The following GPR39 variants were observed in gnomAD, a reference collection of about 807,000 sequenced individuals.
The protein encoded by GPR39 is zinc sensing receptor.
A neutral mutation model predicts 18.4 loss-of-function variants in GPR39; 23 were observed. That is an observed-to-expected ratio of 1.25 (90% confidence interval 0.90 to 1.77). The LOEUF is 1.77. Among genes scored for constraint, GPR39 ranks in the 40% most tolerant of loss-of-function variants. The probability of loss-of-function intolerance (pLI) is 0.00; values close to 1 mark genes in which losing one functional copy is unlikely to be tolerated. For missense variants in GPR39, 647 were observed against 602.4 expected (o/e 1.07, Z -0.78); for synonymous variants, 280 against 257.9 (o/e 1.09, Z -0.82).
At chr2:132,424,604 G>C (rs2104754715) in intron 1 of GPR39, among the ~76,000 whole-genome samples, 1 of 152,284 alleles carries the variant, frequency 6.6e-6, no homozygotes, top group South Asian at 2.1e-4. Context: ...CAGCCTAGTG[G>C]ACTGGATCAG....
At chr2:132,432,444 C>T (rs1680240470) in intron 1 of GPR39, among the ~76,000 whole-genome samples, 1 of 152,200 alleles carries the variant, frequency 6.6e-6, no homozygotes, top group Admixed American at 6.5e-5. Context: ...CACAAAAATT[C>T]AGACCATAGC....
At chr2:132,619,627 C>T (rs1681398615) in intron 1 of GPR39, among the ~76,000 whole-genome samples, 1 of 152,240 alleles carries the variant, frequency 6.6e-6, no homozygotes, top group African/African-American at 2.4e-5. Flanking sequence ...AAGTCTCTGT[C>T]CCCTGGAACC....
chr2:132,646,364 G>C lies in GPR39; in HGVS notation c.*758G>C. The C allele has an allele frequency of 1.1e-6, 1 of 920,638 alleles. No homozygotes were observed. The highest frequency in any genetic ancestry group is 1.5e-6 in the Non-Finnish European group (1 of 659,500). 57.0% of individuals were successfully genotyped at this position (920,638 alleles called of 1,614,324 possible). On this transcript the variant is annotated 3_prime_UTR_variant, in exon 2 of 2. Transcript: ENST00000329321. The stretch of plus-strand genomic sequence containing the variant: ...CTCTCAGCCCAAATCCAAACGGACA[G>C]CTCTTCCTTACTCCTCCCACAGCCC...
intron 1 of GPR39, among the ~76,000 whole-genome samples, chr2:132,488,334 A>G (rs986491440): frequency 1.3e-5 from 2 of 152,208 alleles, no homozygotes; most frequent in African/African-American, 4.8e-5. Flanking sequence ...CATGCCTGTC[A>G]TTATCAAAAA....
At chr2:132,562,408 T>C (rs536657413) in intron 1 of GPR39, among the ~76,000 whole-genome samples, 1 of 152,358 alleles carries the variant, frequency 6.6e-6, no homozygotes, top group East Asian at 1.9e-4. Context: ...TGGCCCTGCC[T>C]AATTCTTCAG....
chr2:132,621,453 T>G (rs1681439809), intron 1 of GPR39, among the ~76,000 whole-genome samples: 1 of 152,204 alleles, frequency 6.6e-6, no homozygotes, highest in Admixed American at 6.5e-5. Context: ...TGTCTTGACT[T>G]GTGATAAGTA....
chr2:132,528,967 A>G (rs1679559845), intron 1 of GPR39, among the ~76,000 whole-genome samples: 1 of 152,144 alleles, frequency 6.6e-6, no homozygotes, highest in Non-Finnish European at 1.5e-5. Context: ...TGATTTCTGC[A>G]TTTCCAACTG....
chr2:132,431,691 G>T (rs989462439), intron 1 of GPR39, among the ~76,000 whole-genome samples: 10 of 152,154 alleles, frequency 6.6e-5, no homozygotes, highest in Admixed American at 6.5e-4. Flanking sequence ...TGAGCTGTGT[G>T]CATTGAGAAT....
intron 1 of GPR39, among the ~76,000 whole-genome samples, chr2:132,532,998 C>A (rs1454732374): frequency 2.6e-5 from 4 of 152,130 alleles, no homozygotes; most frequent in African/African-American, 9.6e-5. Flanking sequence ...CTGGCCAGGG[C>A]AATCAGGCAG....
At chr2:132,614,379 G>A (rs1295137512) in intron 1 of GPR39, among the ~76,000 whole-genome samples, 2 of 146,916 alleles carry the variant, frequency 1.4e-5, no homozygotes, top group African/African-American at 2.5e-5. Flanking sequence ...GCTAATTTTT[G>A]TATTTTTAGT....
intron 1 of GPR39, among the ~76,000 whole-genome samples, chr2:132,427,876 C>CATAT (rs3035847): frequency 6.3e-5 from 9 of 142,734 alleles, no homozygotes; most frequent in Admixed American, 5.0e-4. Context: ...AGCTGTACTT[C>CATAT]ATATATATAT....
chr2:132,456,805 C>T (rs1680736766), intron 1 of GPR39, among the ~76,000 whole-genome samples: 1 of 152,208 alleles, frequency 6.6e-6, no homozygotes, highest in Non-Finnish European at 1.5e-5. Flanking sequence ...TGAATATTGG[C>T]TCCTACTCTC....
intron 1 of GPR39, among the ~76,000 whole-genome samples, chr2:132,552,829 T>A (rs1359181284): frequency 9.7e-6 from 1 of 103,412 alleles, no homozygotes; most frequent in Non-Finnish European, 1.9e-5. Flanking sequence ...TATGTATATA[T>A]ATACATATAT....
At chr2:132,531,094 G>T (rs1275435300) in intron 1 of GPR39, among the ~76,000 whole-genome samples, 1 of 152,160 alleles carries the variant, frequency 6.6e-6, no homozygotes, top group African/African-American at 2.4e-5. Flanking sequence ...TCAGTGTGCT[G>T]TGTTCAGGAA....
intron 1 of GPR39, among the ~76,000 whole-genome samples, chr2:132,530,248 G>C (rs1204325047): frequency 6.6e-6 from 1 of 152,032 alleles, no homozygotes; most frequent in African/African-American, 2.4e-5. Flanking sequence ...TGGAAGAAAG[G>C]GTATCAGTGA....
chr2:132,555,780 G>A (rs772694512), intron 1 of GPR39, among the ~76,000 whole-genome samples: 1 of 152,104 alleles, frequency 6.6e-6, no homozygotes, highest in Non-Finnish European at 1.5e-5. Context: ...AGACACAAAG[G>A]TACTTAGTTA....
At chr2:132,478,951 A>G (rs1681181933) in intron 1 of GPR39, among the ~76,000 whole-genome samples, 1 of 150,688 alleles carries the variant, frequency 6.6e-6, no homozygotes. Flanking sequence ...TTTTTTTTTC[A>G]AGTTGGAAGT....
chr2:132,479,183 G>T (rs1004057156), intron 1 of GPR39, among the ~76,000 whole-genome samples: 3 of 152,176 alleles, frequency 2.0e-5, no homozygotes, highest in Non-Finnish European at 4.4e-5. Context: ...GGTATTCCAG[G>T]CACTGCGGAG....
chr2:132,463,552 G>T (rs1383667484), intron 1 of GPR39, among the ~76,000 whole-genome samples: 1 of 151,956 alleles, frequency 6.6e-6, no homozygotes, highest in Admixed American at 6.6e-5. Flanking sequence ...CTAGAGTCAG[G>T]GAAATTAATA....
Sources: gnomAD v4.1 joint callset for allele counts (sites outside exome capture counted in the v4.1 genomes callset) on GRCh38, gnomAD v4.1.1 for gene constraint, MANE v1.5 for transcripts, NCBI Gene and HGNC (gene_info 2026-07-23, HGNC 2026-07-21) for gene names.